Variants in CSMD1 observed in about 807,000 individuals in gnomAD.
CSMD1 encodes CUB and sushi domain-containing protein 1.
A neutral mutation model predicts 417.5 loss-of-function variants in CSMD1; 213 were observed. That is an observed-to-expected ratio of 0.51 (90% confidence interval 0.46 to 0.57). The LOEUF is 0.57. CSMD1 is among the 20% of genes least tolerant of loss of function. CSMD1 has a pLI of 0.00. For missense variants in CSMD1, 6,923 were observed against 4,529.7 expected, an observed-to-expected ratio of 1.53 and a Z score of -15.17; for synonymous variants, 2,862 against 1,736.8, an observed-to-expected ratio of 1.65 and a Z score of -16.11.
chr8:4,700,147 T>A (rs1807432100), intron 1 of CSMD1, among the ~76,000 whole-genome samples: 1 of 152,168 alleles, frequency 6.6e-6, no homozygotes, highest in South Asian at 2.1e-4. Flanking sequence ...TATTTTTAAC[T>A]GACCTTTCAA....
At chr8:3,674,722 A>T (rs1799283706) in intron 7 of CSMD1, among the ~76,000 whole-genome samples, 1 of 152,140 alleles carries the variant, frequency 6.6e-6, no homozygotes, top group South Asian at 2.1e-4. Context: ...AGTCTTGCTG[A>T]TTCCAAGTCC....
intron 3 of CSMD1, among the ~76,000 whole-genome samples, chr8:4,236,740 T>C (rs1802089647): frequency 6.6e-6 from 1 of 152,206 alleles, no homozygotes; most frequent in Non-Finnish European, 1.5e-5. Context: ...CGAAGACTGC[T>C]GGATTAAAAT....
chr8:4,589,731 T>C (rs1170922037), intron 2 of CSMD1, among the ~76,000 whole-genome samples: 2 of 152,208 alleles, frequency 1.3e-5, no homozygotes, highest in African/African-American at 4.8e-5. Context: ...TAAATTGCCA[T>C]TATCACGGCC....
chr8:3,778,157 A>C (rs1032290634), intron 5 of CSMD1, among the ~76,000 whole-genome samples: 1 of 152,224 alleles, frequency 6.6e-6, no homozygotes, highest in Non-Finnish European at 1.5e-5. Flanking sequence ...AAAATGTGTC[A>C]GGATAGATTA....
intron 3 of CSMD1, among the ~76,000 whole-genome samples, chr8:4,179,275 G>T (rs10111606): frequency 1.3e-5 from 2 of 152,048 alleles, no homozygotes; most frequent in Non-Finnish European, 2.9e-5. Context: ...ATAATGCCAC[G>T]TATCTACAAC....
intron 2 of CSMD1, among the ~76,000 whole-genome samples, chr8:4,472,683 A>G (rs1157332411): frequency 6.6e-6 from 1 of 152,076 alleles, no homozygotes; most frequent in Non-Finnish European, 1.5e-5. Context: ...TTGTTATATC[A>G]AGAAAATATT....
intron 12 of CSMD1, among the ~76,000 whole-genome samples, chr8:3,466,389 T>C (rs1164183505): frequency 2.0e-5 from 3 of 151,664 alleles, no homozygotes; most frequent in Non-Finnish European, 4.4e-5. Context: ...TGTGAATATA[T>C]GCTGTATATA....
chr8:4,525,068 T>C (rs951438293), intron 2 of CSMD1, among the ~76,000 whole-genome samples: 44 of 152,160 alleles, frequency 2.9e-4, no homozygotes, highest in Non-Finnish European at 3.8e-4. Flanking sequence ...TCAATTAAAC[T>C]GCAAGTCAAA....
At chr8:4,015,107 T>C (rs945124313) in intron 4 of CSMD1, among the ~76,000 whole-genome samples, 1 of 152,194 alleles carries the variant, frequency 6.6e-6, no homozygotes, top group African/African-American at 2.4e-5. Flanking sequence ...AGAAAGGTGC[T>C]TAAAACCAAA....
Position 4,390,896 on chromosome 8 carries a change from C to T in CSMD1, c.415+29057G>A, listed in dbSNP as rs117697608. On this transcript the variant is annotated intron_variant, in intron 3 of 69. Coordinates refer to ENST00000635120, the MANE Select transcript of CSMD1 (RefSeq NM_033225.6). ...ATGTTTCATATGTTGTCCTTAGTCC[C>T]CCAAAATGTAGAAAGGTAGTTATCA... Among the ~76,000 whole-genome samples the T allele has an allele frequency of 8.6e-3, 1,308 of 152,154 alleles. 17 individuals carry two copies. The highest frequency in any genetic ancestry group is 0.012 in the Non-Finnish European group (822 of 68,000).
chr8:4,989,703 C>T (rs1466785766), intron 1 of CSMD1, among the ~76,000 whole-genome samples: 1 of 152,114 alleles, frequency 6.6e-6, no homozygotes, highest in Admixed American at 6.5e-5. Context: ...GAAAAATTAC[C>T]AGAGGCAGAT....
At chr8:3,851,320 G>C (rs180937925) in intron 5 of CSMD1, among the ~76,000 whole-genome samples, 4 of 152,320 alleles carry the variant, frequency 2.6e-5, no homozygotes, top group Admixed American at 2.0e-4. Context: ...ACACATAAAA[G>C]TGGGAAATTC....
chr8:3,065,588 A>AGATT (rs1812888612), intron 49 of CSMD1, among the ~76,000 whole-genome samples: 1 of 151,872 alleles, frequency 6.6e-6, no homozygotes, highest in African/African-American at 2.4e-5. Flanking sequence ...ATAGATACAC[A>AGATT]GATCGATAGG....
intron 3 of CSMD1, among the ~76,000 whole-genome samples, chr8:4,152,274 A>T (rs1325257494): frequency 6.6e-6 from 1 of 152,214 alleles, no homozygotes; most frequent in African/African-American, 2.4e-5. Context: ...TAATATAGAA[A>T]TACGATGGTT....
chr8:4,784,950 A>T (rs1240397406), intron 1 of CSMD1, among the ~76,000 whole-genome samples: 1 of 149,820 alleles, frequency 6.7e-6, no homozygotes, highest in Admixed American at 6.6e-5. Context: ...AATTAGGCTC[A>T]TAAGTGGTAA....
chr8:3,109,451 A>G (rs1816358988), intron 43 of CSMD1, among the ~76,000 whole-genome samples: 1 of 151,962 alleles, frequency 6.6e-6, no homozygotes, highest in Admixed American at 6.6e-5. Context: ...TCTCACATCC[A>G]CTGACTCTGG....
chr8:4,726,954 A>G (rs1419078549), intron 1 of CSMD1, among the ~76,000 whole-genome samples: 1 of 152,214 alleles, frequency 6.6e-6, no homozygotes, highest in Non-Finnish European at 1.5e-5. Flanking sequence ...ATGTACTTAA[A>G]AAAAATACAT....
intron 1 of CSMD1, among the ~76,000 whole-genome samples, chr8:4,956,978 C>A (rs1236416358): frequency 6.6e-6 from 1 of 152,208 alleles, no homozygotes; most frequent in African/African-American, 2.4e-5. Context: ...AACCATGCTC[C>A]TGATTCTTGT....
intron 5 of CSMD1, among the ~76,000 whole-genome samples, chr8:3,788,682 C>A (rs1446523118): frequency 1.3e-5 from 2 of 152,174 alleles, no homozygotes; most frequent in Admixed American, 1.3e-4. Flanking sequence ...AGTACCTCTC[C>A]ATCTACAGAC....
Sources: gnomAD v4.1 joint callset for allele counts (sites outside exome capture counted in the v4.1 genomes callset) on GRCh38, gnomAD v4.1.1 for gene constraint, MANE v1.5 for transcripts, NCBI Gene and HGNC (gene_info 2026-07-23, HGNC 2026-07-21) for gene names.